SLC25A32: variants seen among roughly 807,000 people sequenced by gnomAD.
SLC25A32 encodes the protein Glycine auxotroph B, complementation of hamster.
In SLC25A32, 32 loss-of-function variants were observed where a neutral mutation model predicts 39.0. The ratio of observed to expected loss-of-function variants is 0.82; its 90% CI spans 0.62 to 1.10. The LOEUF (loss-of-function observed/expected upper bound fraction) is 1.10. Among genes scored for constraint, SLC25A32 ranks in the 50% least tolerant of loss-of-function variants. The pLI is 0.00. For missense variants in SLC25A32, 367 were observed against 395.3 expected (o/e 0.93, Z 0.61); for synonymous variants, 166 against 152.4 (o/e 1.09, Z -0.66).
At chr8:103,404,947 C>CA in intron 2 of SLC25A32, 86 bp from the exon 3 acceptor site, 1 of 824,144 alleles carries the variant, frequency 1.2e-6, no homozygotes, top group South Asian at 1.7e-5. Flanking sequence ...AGCAGTACCC[C>CA]AAAAGCACAA....
At chr8:103,403,110 G>T in intron 4 of SLC25A32, 54 bp downstream of exon 4, 1 of 1,314,724 alleles carries the variant, frequency 7.6e-7, no homozygotes, top group Non-Finnish European at 1.0e-6. Flanking sequence ...AGACAACAGA[G>T]CCAACGGAAA....
intron 1 of SLC25A32, among the ~76,000 whole-genome samples, chr8:103,409,782 G>A (rs556344756): frequency 3.3e-5 from 5 of 152,160 alleles, no homozygotes; most frequent in Non-Finnish European, 7.4e-5. Context: ...CAGCATGAAG[G>A]GAGATTAAAG....
intron 1 of SLC25A32, 148 bp from the exon 2 acceptor site, chr8:103,407,932 TTA>T: frequency 4.7e-6 from 1 of 210,728 alleles, no homozygotes; most frequent in Non-Finnish European, 9.0e-6. Flanking sequence ...TTCCAGGCTT[TTA>T]TATATATATT....
In SLC25A32 at chr8:103,400,460, T is replaced by C. The variant is rs141856398; in HGVS notation, c.899A>G (p.Tyr300Cys). 5,340 of 1,614,122 alleles carry C rather than the reference T, an allele frequency of 3.3e-3. 111 individuals are homozygous for C. The South Asian group carries it at 0.034, about 10-fold the overall frequency. The change falls in exon 7 of 7, where the codon TAT becomes TGT. Residue 300 changes from tyrosine to cysteine, a missense_variant. Tyr to Cys is a radical substitution (Grantham distance 194). Transcript: ENST00000297578. The stretch of plus-strand genomic sequence containing the variant: ...AAGTAAAAAATGTGAGACGTTTTCA[T>C]ATACCACAAAGGTAATACAGCAGGC... ...TPACCITFVV[Y>C]ENVSHFLLDL...
chr8:103,414,940 G>A lies in SLC25A32; in HGVS notation c.-3C>T, dbSNP rs370878481. The A allele has an allele frequency of 8.1e-6, 13 of 1,600,098 alleles. No homozygotes were observed. The highest frequency in any genetic ancestry group is 1.0e-5 in the Non-Finnish European group (12 of 1,173,812). On this transcript the variant is annotated 5_prime_UTR_variant, in exon 1 of 7. Transcript: ENST00000297578. ...GCCGACTGGCCCTGGCCCGTCATAG[G>A]CTCGGGGCCCGTCGACACCACGGCG...
intron 2 of SLC25A32, among the ~76,000 whole-genome samples, chr8:103,405,661 CT>C (rs915197286): frequency 5.3e-4 from 78 of 146,100 alleles, no homozygotes; most frequent in Non-Finnish European, 5.6e-4. Context: ...CACATTCTTT[CT>C]TTTTTTTTTT....
rs192970216 is a variant in SLC25A32, at chr8:103,408,292, T to C, written c.155-508A>G. The stretch of plus-strand genomic sequence containing the variant: ...GTGAGCCACTATGCCCAGCCCAGGC[T>C]TTAATATTTTAAAACTACTACATTC... On this transcript the variant is annotated intron_variant, in intron 1 of 6. Coordinates refer to ENST00000297578, the MANE Select transcript of SLC25A32 (RefSeq NM_030780.5). Among the ~76,000 whole-genome samples the C allele has an allele frequency of 1.4e-3, 215 of 152,212 alleles. 2 individuals are homozygous for C. The highest frequency in any genetic ancestry group is 2.3e-3 in the Admixed American group (35 of 15,282).
chr8:103,412,787 TCA>T (rs1816493325), intron 1 of SLC25A32, among the ~76,000 whole-genome samples: 1 of 152,352 alleles, frequency 6.6e-6, no homozygotes, highest in Non-Finnish European at 1.5e-5. Flanking sequence ...ATACTTGAAC[TCA>T]CAGAAAAATT....
At chr8:103,402,346 T>G (rs966814958) in intron 4 of SLC25A32, 6 of 200,656 alleles carry the variant, frequency 3.0e-5, no homozygotes, top group Admixed American at 1.2e-4. Flanking sequence ...AGTGGGAAAC[T>G]AAATTCTGGA....
intron 1 of SLC25A32, among the ~76,000 whole-genome samples, chr8:103,408,066 C>T (rs1816376959): frequency 6.6e-6 from 1 of 151,178 alleles, no homozygotes; most frequent in African/African-American, 2.4e-5. Flanking sequence ...CAATCTCCGC[C>T]TCCCAGGTTC....
rs972300054 is a variant in SLC25A32, at chr8:103,398,755, G to A, written c.*1656C>T. 1 of 151,916 alleles carries A rather than the reference G, an allele frequency of 6.6e-6. No homozygotes were observed. 9.4% of individuals were successfully genotyped at this position (151,916 alleles called of 1,614,324 possible). On this transcript the variant is annotated 3_prime_UTR_variant, in exon 7 of 7. Coordinates refer to ENST00000297578, the MANE Select transcript of SLC25A32 (RefSeq NM_030780.5). ...ACTGCAGTTCACTTTTTCCGTGTGG[G>A]GACTAATATCAAGATTTCATATGAA...
At chr8:103,404,675 G>T in intron 3 of SLC25A32, 101 bp downstream of exon 3, 1 of 681,750 alleles carries the variant, frequency 1.5e-6, no homozygotes, top group Non-Finnish European at 2.5e-6. Flanking sequence ...ACAGTTAGAT[G>T]GGCATATTTA....
At chr8:103,404,726 G>A in intron 3 of SLC25A32, 50 bp downstream of exon 3, 3 of 1,386,402 alleles carry the variant, frequency 2.2e-6, no homozygotes, top group Non-Finnish European at 3.0e-6. Flanking sequence ...AACCAAAACT[G>A]AAAATTAAGT....
intron 6 of SLC25A32, 152 bp downstream of exon 6, chr8:103,401,364 G>C: frequency 1.7e-6 from 1 of 584,538 alleles, no homozygotes; most frequent in Non-Finnish European, 2.9e-6. Flanking sequence ...TAAGGCCATG[G>C]TCACATACGT....
chr8:103,412,486 T>C (rs1816486903), intron 1 of SLC25A32, among the ~76,000 whole-genome samples: 1 of 152,202 alleles, frequency 6.6e-6, no homozygotes, highest in Non-Finnish European at 1.5e-5. Context: ...CAAGAATATC[T>C]TCTAACTTCT....
intron 1 of SLC25A32, among the ~76,000 whole-genome samples, chr8:103,409,810 G>A (rs1406179417): frequency 6.6e-6 from 1 of 152,182 alleles, no homozygotes; most frequent in Non-Finnish European, 1.5e-5. Flanking sequence ...GGTTTTGTCA[G>A]AAGACCTGGG....
In SLC25A32 at chr8:103,401,633, G is replaced by A. The variant is rs759232426; in HGVS notation, c.695C>T (p.Ala232Val). ...TGCGACAGCAAATATTTTGGATAGT[G>A]CTGCAACAGATATATATTCTACTGT... ...LSTVEYISVA[A>V]LSKIFAVAAT... Residue 232 changes from alanine (A) to valine (V), a missense_variant, in exon 6 of 7, where the codon GCA (alanine) becomes GTA (valine). Physicochemically the swap from Ala to Val is moderately conservative, Grantham distance 64 (BLOSUM62 0). Transcript: ENST00000297578. The A allele has an allele frequency of 1.2e-5, 19 of 1,612,862 alleles. No individual in the cohort carries two copies. In the South Asian group the frequency reaches 1.8e-4, roughly 15 times the overall value.
chr8:103,412,602 C>G (rs144491559), intron 1 of SLC25A32, among the ~76,000 whole-genome samples: 98 of 152,354 alleles, frequency 6.4e-4, no homozygotes, highest in African/African-American at 2.3e-3. Flanking sequence ...TCCACTCAAC[C>G]TGTGTCTGAC....
At chr8:103,410,773 A>G (rs1342618065) in intron 1 of SLC25A32, among the ~76,000 whole-genome samples, 1 of 152,178 alleles carries the variant, frequency 6.6e-6, no homozygotes, top group Non-Finnish European at 1.5e-5. Context: ...CTGAAGATAA[A>G]AAGTTTGGTG....
Sources: allele counts gnomAD v4.1 joint callset (sites outside exome capture counted in the v4.1 genomes callset), GRCh38; gene constraint gnomAD v4.1.1; transcripts MANE v1.5; gene names NCBI Gene and HGNC (gene_info 2026-07-23, HGNC 2026-07-21).